The following AGAP2 variants were observed in gnomAD, a reference collection of about 807,000 sequenced individuals.
The protein encoded by AGAP2 is arf-GAP with GTPase, ANK repeat and PH domain-containing protein 2.
Under a neutral mutation model 110.9 loss-of-function variants are expected in AGAP2, and 32 were observed. The observed-to-expected ratio is 0.29, with a 90% CI of 0.22 to 0.39. AGAP2 has a LOEUF of 0.39. Ranked by LOEUF, AGAP2 falls within the 10% of genes least tolerant of loss-of-function variation. The pLI, the probability that AGAP2 is intolerant of heterozygous loss-of-function variation, is 1.00. For missense variants in AGAP2, 1,285 were observed against 1,638.5 expected, an observed-to-expected ratio of 0.78 and a Z score of 3.72; for synonymous variants, 702 against 713.0, an observed-to-expected ratio of 0.98 and a Z score of 0.25.
chr12:57,734,784 A>G, intron 2 of AGAP2, 105 bp from the exon 3 acceptor site: 3 of 987,542 alleles, frequency 3.0e-6, no homozygotes, highest in South Asian at 1.3e-5. Context: ...TCCAAGCAGG[A>G]CCCTACAGGG....
intron 5 of AGAP2, among the ~76,000 whole-genome samples, chr12:57,733,277 C>T (rs1241285383): frequency 4.0e-5 from 6 of 151,770 alleles, no homozygotes; most frequent in Non-Finnish European, 7.4e-5. Flanking sequence ...TAGCTGAGAC[C>T]CAGGCGCGAG....
chr12:57,737,601 C>G lies in AGAP2; in HGVS notation c.646G>C (p.Glu216Gln), dbSNP rs1167876546. 6.5e-7 allele frequency: 1 copy of G among 1,547,934 alleles called. No homozygotes were observed. Among genetic ancestry groups the G allele is most frequent in the Non-Finnish European group, 8.7e-7 (1 of 1,146,814 alleles). ...GACCCCTTGACCCTGGGCTTGCCCT[C>G]GCTTTCGGGCCATGACAGGCGGCTA... ...AGSRLSWPESEGKPRVKGSKS... is the reference protein window; with the variant it reads ...AGSRLSWPESQGKPRVKGSKS... Residue 216 changes from glutamate (E) to glutamine (Q), a missense_variant, in exon 1 of 19, where the codon GAG becomes CAG. Transcript: ENST00000547588. The surrounding 1 kb of genome is among the most constrained non-coding windows in gnomAD (Gnocchi z 5.9).
intron 5 of AGAP2, among the ~76,000 whole-genome samples, 161 bp from the exon 6 acceptor site, chr12:57,733,140 C>T (rs901913757): frequency 2.0e-5 from 3 of 151,964 alleles, no homozygotes; most frequent in African/African-American, 7.3e-5. Flanking sequence ...AGTACATAAG[C>T]CCTTTCTGAG....
At position 57,734,654 on chromosome 12, in the gene AGAP2, C is replaced by T. The variant is rs774049850; in HGVS notation, c.1253G>A (p.Gly418Glu). ...GAATCGGTGGATGAGCGATGACTTC[C>T]CACTCCTGGCATCGCCCAGCACACC... is the stretch of plus-strand genomic sequence containing the variant. ...RLGVLGDARSGKSSLIHRFLT... is the reference protein window; with the variant it reads ...RLGVLGDARSEKSSLIHRFLT... The change falls in exon 3 of 19, where the codon GGG (glycine) becomes GAG (glutamate). Residue 418 changes from glycine to glutamate, a missense_variant. Transcript: ENST00000547588. 13 of 1,614,116 alleles carry T rather than the reference C, an allele frequency of 8.1e-6. No homozygotes were observed. Among genetic ancestry groups the T allele is most frequent in the Non-Finnish European group, 1.0e-5 (12 of 1,180,020 alleles).
intron 2 of AGAP2, 100 bp downstream of exon 2, chr12:57,735,269 A>AAGAGAG (rs796791021): frequency 3.6e-6 from 4 of 1,098,944 alleles, no homozygotes; most frequent in South Asian, 2.8e-5. Flanking sequence ...CCTATTCCCA[A>AAGAGAG]AGAGAGAGAG....
intron 5 of AGAP2, 73 bp from the exon 6 acceptor site, chr12:57,733,052 C>T: frequency 6.3e-6 from 10 of 1,589,704 alleles, no homozygotes; most frequent in Non-Finnish European, 8.6e-6. Context: ...TTCCCTTATC[C>T]TTGCACTGGG....
Position 57,730,369 on chromosome 12 carries a change from T to C in AGAP2, c.2428+126A>G. ...GACATGGTATGATTGAACTTATTCA[T>C]GTGTGGGGCTCCATGTGTTCACTCA... On this transcript the variant is annotated intron_variant, in intron 12 of 18. Coordinates refer to ENST00000547588, the MANE Select transcript of AGAP2 (RefSeq NM_001122772.3). The C allele has an allele frequency of 3.2e-6, 4 of 1,267,698 alleles. No homozygotes were observed. In the South Asian group the frequency reaches 4.0e-5, roughly 13 times the overall value. The allele number at this position is 1,267,698 out of a possible 1,614,324, so 78.5% of individuals were successfully genotyped here. A position where few individuals can be genotyped will look rare whatever the true frequency, so the allele number is the denominator to read the frequency against.
At position 57,737,542 on chromosome 12, in the gene AGAP2, A is replaced by G. The variant is rs1307232248; in HGVS notation, c.705T>C (p.Ser235=). The change falls in exon 1 of 19, where the codon TCT becomes TCC. Residue 235 remains serine, a synonymous_variant. Coordinates refer to ENST00000547588, the MANE Select transcript of AGAP2 (RefSeq NM_001122772.3). This position sits in a 1 kb window ranked among gnomAD's most constrained non-coding sequence, Gnocchi z 5.9. The part of the protein sequence containing the change: ...KSSAGTGASV[S]AAATAAAAGG... ...CGGCGGCGGCGGCGGTGGCGGCGGC[A>G]GAGACCGAAGCTCCAGTCCCGGCGC... 2 of 1,556,036 alleles carry G rather than the reference A, an allele frequency of 1.3e-6. No homozygotes were observed. Among genetic ancestry groups the G allele is most frequent in the Non-Finnish European group, 1.7e-6 (2 of 1,150,556 alleles).
intron 1 of AGAP2, among the ~76,000 whole-genome samples, chr12:57,736,580 A>G (rs967030578): frequency 3.3e-5 from 5 of 152,206 alleles, no homozygotes; most frequent in Non-Finnish European, 7.3e-5. Context: ...CACCGCACGA[A>G]AAACATCACT....
chr12:57,729,960 C>T (rs1456912018), intron 12 of AGAP2, among the ~76,000 whole-genome samples, 193 bp from the exon 13 acceptor site: 1 of 152,186 alleles, frequency 6.6e-6, no homozygotes, highest in Non-Finnish European at 1.5e-5. Flanking sequence ...GTCCTGCACT[C>T]AGATCCTGGT....
chr12:57,740,079 C>T (rs933153322), upstream of AGAP2: 9 of 152,240 alleles, frequency 5.9e-5, no homozygotes, highest in African/African-American at 2.2e-4. Context: ...AGACCCCTTC[C>T]CGGGACTTGG....
Position 57,726,571 on chromosome 12 carries a change from G to A in AGAP2, c.3560C>T (p.Ala1187Val). 1 of 1,208,448 alleles carries A rather than the reference G, an allele frequency of 8.3e-7. No individual in the cohort carries two copies. Among genetic ancestry groups the A allele is most frequent in the East Asian group, 3.5e-5 (1 of 28,834 alleles). The allele number at this position is 1,208,448 out of a possible 1,614,324, so 74.9% of individuals were successfully genotyped here. A position where few individuals can be genotyped will look rare whatever the true frequency, so the allele number is the denominator to read the frequency against. ...SSAASVGRAD[A>V]PVALV The stretch of plus-strand genomic sequence containing the variant: ...GGGCAACTATACCAGCGCAACCGGG[G>A]CGTCGGCGCGGCCCACGCTAGCGGC... The change falls in exon 19 of 19, where the codon GCC becomes GTC. Residue 1187 changes from alanine (A) to valine (V), a missense_variant. Around this residue, in one of 7 missense-constraint regions of AGAP2, gnomAD observed 201 missense variants for 276.1 expected, o/e 0.73. Transcript: ENST00000547588. The surrounding 1 kb of genome is among the most constrained non-coding windows in gnomAD (Gnocchi z 5.7).
chr12:57,737,850 G>C lies in AGAP2; in HGVS notation c.397C>G (p.Pro133Ala), dbSNP rs1226072000. 12 of 1,461,400 alleles carry C rather than the reference G, an allele frequency of 8.2e-6. No individual in the cohort carries two copies. The Admixed American group carries it at 1.6e-4, about 20-fold the overall frequency. The allele number at this position is 1,461,400 out of a possible 1,614,324, so 90.5% of individuals were successfully genotyped here. A position where few individuals can be genotyped will look rare whatever the true frequency, so the allele number is the denominator to read the frequency against. The part of the protein sequence containing the change: ...LSGGLSPDPK[P>A]GGAPTSSRRP... Reference sequence around the variant, plus strand: ...CGGGAGGAGGTGGGGGCGCCCCCAGGCTTGGGGTCGGGGCTCAGTCCCCCG... The same window carrying C: ...CGGGAGGAGGTGGGGGCGCCCCCAGCCTTGGGGTCGGGGCTCAGTCCCCCG... The change falls in exon 1 of 19, where the codon CCT becomes GCT. Residue 133 changes from proline to alanine, a missense_variant. Around this residue, in one of 7 missense-constraint regions of AGAP2, gnomAD observed 844 missense variants for 941.2 expected, o/e 0.90. Coordinates refer to ENST00000547588, the MANE Select transcript of AGAP2 (RefSeq NM_001122772.3). The surrounding 1 kb of genome is among the most constrained non-coding windows in gnomAD (Gnocchi z 5.9).
intron 6 of AGAP2, 99 bp from the exon 7 acceptor site, chr12:57,732,611 C>A: frequency 7.6e-7 from 1 of 1,320,874 alleles, no homozygotes. Context: ...AACACAGGAC[C>A]CAACTTCCTT....
At chr12:57,736,191 A>C (rs967006030) in intron 1 of AGAP2, among the ~76,000 whole-genome samples, 3 of 151,848 alleles carry the variant, frequency 2.0e-5, no homozygotes, top group African/African-American at 7.3e-5. Context: ...ATCTGCTCCC[A>C]CCCGCTCCGG....
Position 57,726,384 on chromosome 12 carries a change from T to G in AGAP2, c.*168A>C. ...GCCTCGTTGGGGAGAGGGAGGTGAG[T>G]TTGTGTCTTCTGGAAGGCGTGGGGG... On this transcript the variant is annotated 3_prime_UTR_variant, in exon 19 of 19. Transcript: ENST00000547588. The surrounding 1 kb of genome is among the most constrained non-coding windows in gnomAD (Gnocchi z 5.7). 5.5e-6 allele frequency: 3 copies of G among 545,488 alleles called. No individual in the cohort carries two copies. Among genetic ancestry groups the G allele is most frequent in the Non-Finnish European group, 7.7e-6 (3 of 390,688 alleles). 33.8% of individuals were successfully genotyped at this position (545,488 alleles called of 1,614,324 possible).
At position 57,738,666 on chromosome 12, in the gene AGAP2, G is replaced by A. The variant is rs1955036911; in HGVS notation, c.-420C>T. Among the ~76,000 whole-genome samples the A allele has an allele frequency of 6.6e-6, 1 of 152,064 alleles. No homozygotes were observed. Among genetic ancestry groups the A allele is most frequent in the South Asian group, 2.1e-4 (1 of 4,832 alleles). Reference sequence around the variant, plus strand: ...ACGAACCTGTGCGGGGGAGGCAGGGGCGGGGAATTGGGACTCAAGGGACAG... The same window carrying A: ...ACGAACCTGTGCGGGGGAGGCAGGGACGGGGAATTGGGACTCAAGGGACAG... On this transcript the variant is annotated 5_prime_UTR_variant, in exon 1 of 19. Transcript: ENST00000547588. This position sits in a 1 kb window ranked among gnomAD's most constrained non-coding sequence, Gnocchi z 6.7.
chr12:57,728,180 C>G, intron 14 of AGAP2, 95 bp from the exon 15 acceptor site: 1 of 1,527,454 alleles, frequency 6.5e-7, no homozygotes, highest in East Asian at 2.3e-5. Context: ...TCCCGAGCCC[C>G]TGGGAGTGGG....
At chr12:57,731,333 G>A in intron 10 of AGAP2, 33 bp downstream of exon 10, 9 of 1,558,736 alleles carry the variant, frequency 5.8e-6, no homozygotes, top group Non-Finnish European at 8.0e-6. Context: ...GAAATCCAAA[G>A]CTGGCCAATG....
Sources: allele counts gnomAD v4.1 joint callset (sites outside exome capture counted in the v4.1 genomes callset), GRCh38; gene constraint gnomAD v4.1.1; regional missense constraint gnomAD v4.1.1; non-coding constraint Gnocchi (gnomAD v3.1); transcripts MANE v1.5; gene names NCBI Gene and HGNC (gene_info 2026-07-23, HGNC 2026-07-21).